INTS8: variants seen among roughly 807,000 people sequenced by gnomAD.
The protein encoded by INTS8 is protein kaonashi-1.
In INTS8, 47 loss-of-function variants were observed where a neutral mutation model predicts 138.9. The ratio of observed to expected loss-of-function variants is 0.34; its 90% CI spans 0.27 to 0.43. The LOEUF is 0.43. Ranked by LOEUF, INTS8 falls within the 20% of genes least tolerant of loss-of-function variation. The pLI is 1.00. For missense variants in INTS8, 996 were observed against 1,173.0 expected (o/e 0.85, Z 2.20); for synonymous variants, 392 against 400.9 (o/e 0.98, Z 0.27).
intron 8 of INTS8, among the ~76,000 whole-genome samples, chr8:94,839,952 C>T (rs1229578210): frequency 6.6e-6 from 1 of 152,148 alleles, no homozygotes; most frequent in East Asian, 1.9e-4. Context: ...AGACCTGTGC[C>T]AACAAGACCT....
At position 94,832,358 on chromosome 8, in the gene INTS8, A is replaced by G. The variant is rs577858605; in HGVS notation, c.753+184A>G. On this transcript the variant is annotated intron_variant, in intron 6 of 26. Transcript: ENST00000523731. The stretch of plus-strand genomic sequence containing the variant: ...TTTTTCTAAAAGAAATGGAAGAGAA[A>G]TTTTATGTCATCTGTTGTCTCTGAA... Among the ~76,000 whole-genome samples the G allele has an allele frequency of 2.0e-5, 3 of 152,354 alleles. No individual in the cohort carries two copies. In the South Asian group the frequency reaches 6.2e-4, roughly 32 times the overall value.
At position 94,823,477 on chromosome 8, in the gene INTS8, C is replaced by T; in HGVS notation, c.46C>T (p.Pro16Ser). ...CCGGGAGGCGGCCACCTCCAGCCGG[C>T]CCTGCACCCCGCCGCAGACCTGCTG... is the stretch of plus-strand genomic sequence containing the variant. ...ADREAATSSR[P>S]CTPPQTCWFE... is the part of the protein sequence containing the mutation. The change falls in exon 1 of 27, where the codon CCC becomes TCC. Residue 16 changes from proline (P) to serine (S), a missense_variant. Physicochemically the swap from Pro to Ser is moderately conservative, Grantham distance 74 (BLOSUM62 -1). Coordinates refer to ENST00000523731, the MANE Select transcript of INTS8 (RefSeq NM_017864.4). 3.9e-6 allele frequency: 6 copies of T among 1,550,708 alleles called. No homozygotes were observed. Among genetic ancestry groups the T allele is most frequent in the Non-Finnish European group, 5.2e-6 (6 of 1,147,590 alleles).
intron 2 of INTS8, among the ~76,000 whole-genome samples, chr8:94,827,036 C>T (rs1446793043): frequency 5.9e-5 from 9 of 152,072 alleles, no homozygotes; most frequent in East Asian, 1.9e-4. Context: ...ACCCGGGAGG[C>T]GGAGCTTGCA....
chr8:94,874,237 A>C (rs751185270), intron 22 of INTS8, among the ~76,000 whole-genome samples: 15 of 84,628 alleles, frequency 1.8e-4, no homozygotes, highest in South Asian at 1.4e-3. Context: ...CCTGGTGTCA[A>C]ATTTTGTCCG....
At chr8:94,825,224 C>G (rs965424136) in intron 2 of INTS8, among the ~76,000 whole-genome samples, 157 bp downstream of exon 2, 1 of 152,070 alleles carries the variant, frequency 6.6e-6, no homozygotes, top group Non-Finnish European at 1.5e-5. Flanking sequence ...CCAAGGCTGG[C>G]AGATTACTTG....
chr8:94,849,932 T>G lies in INTS8; in HGVS notation c.1348T>G (p.Leu450Val). 6.2e-7 allele frequency: 1 copy of G among 1,611,116 alleles called. No individual in the cohort carries two copies. Among genetic ancestry groups the G allele is most frequent in the Non-Finnish European group, 8.5e-7 (1 of 1,178,360 alleles). Residue 450 changes from leucine (L) to valine (V), a missense_variant, in exon 12 of 27, where the codon TTG (leucine) becomes GTG (valine). Leu to Val is a conservative substitution (Grantham distance 32). Transcript: ENST00000523731. ...CTGATCTAGGAATGTGTGTCTGGGG[T>G]TGGAAGATCTGCAGTATGTTTTCAT... Reference protein sequence around the residue: ...AAFLKNVCLGLEDLQYVFMIS... With the variant: ...AAFLKNVCLGVEDLQYVFMIS...
chr8:94,845,097 A>G (rs1447116857), intron 10 of INTS8, among the ~76,000 whole-genome samples: 1 of 151,930 alleles, frequency 6.6e-6, no homozygotes, highest in East Asian at 1.9e-4. Flanking sequence ...TTTAATATCA[A>G]ATTTACCGAT....
intron 14 of INTS8, among the ~76,000 whole-genome samples, chr8:94,854,696 G>A (rs1256706061): frequency 6.6e-6 from 1 of 152,108 alleles, no homozygotes; most frequent in East Asian, 1.9e-4. Context: ...GCTTAAATAA[G>A]TTAACTACAT....
Position 94,848,013 on chromosome 8 carries a change from C to CTTTTTTTTT in INTS8, c.1261-1444_1261-1436dup, listed in dbSNP as rs58388097. ...TGAACATAGCACTTTTAAAACACTG[C>CTTTTTTTTT]TTTTTTTTTTTTTGAGATGGAGTCT... On this transcript the variant is annotated intron_variant, in intron 10 of 26. Coordinates refer to ENST00000523731, the MANE Select transcript of INTS8 (RefSeq NM_017864.4). Among the ~76,000 whole-genome samples the CTTTTTTTTT allele has an allele frequency of 4.7e-3, 614 of 129,946 alleles. 22 individuals are homozygous for CTTTTTTTTT. Among genetic ancestry groups the CTTTTTTTTT allele is most frequent in the Non-Finnish European group, 7.5e-3 (450 of 60,402 alleles). 85.2% of individuals were successfully genotyped at this position (129,946 alleles called of 152,430 possible). A position where few individuals can be genotyped will look rare whatever the true frequency, so the allele number is the denominator to read the frequency against.
chr8:94,826,184 T>C (rs73269191), intron 2 of INTS8, among the ~76,000 whole-genome samples: 33,665 of 152,242 alleles, frequency 0.22, 3,843 homozygotes, highest in Middle Eastern at 0.28. Context: ...TGAATATTGC[T>C]GGATTGCATT....
At chr8:94,867,061 A>C (rs1329008251) in intron 18 of INTS8, 79 bp from the exon 19 acceptor site, 2 of 1,062,004 alleles carry the variant, frequency 1.9e-6, no homozygotes. Flanking sequence ...AGAATGCTTG[A>C]TGTCTGTGAG....
At chr8:94,830,919 TC>T (rs1814690298) in intron 5 of INTS8, among the ~76,000 whole-genome samples, 2 of 152,062 alleles carry the variant, frequency 1.3e-5, no homozygotes, top group Admixed American at 1.3e-4. Flanking sequence ...TGCCTCAGTC[TC>T]CCAGGTAGCT....
chr8:94,830,489 G>A (rs968984024), intron 5 of INTS8, among the ~76,000 whole-genome samples: 7 of 152,122 alleles, frequency 4.6e-5, no homozygotes, highest in African/African-American at 1.7e-4. Context: ...AATAAATCAA[G>A]TGGAACAGTG....
intron 9 of INTS8, 66 bp from the exon 10 acceptor site, chr8:94,842,281 T>A: frequency 9.3e-7 from 1 of 1,069,998 alleles, no homozygotes; most frequent in South Asian, 1.8e-5. Context: ...TGAATATAGT[T>A]GTATAATATA....
Position 94,827,753 on chromosome 8 carries a change from C to G in INTS8, c.478C>G (p.Pro160Ala), listed in dbSNP as rs1445162906. 8 of 1,614,120 alleles carry G rather than the reference C, an allele frequency of 5.0e-6. No individual in the cohort carries two copies. Among genetic ancestry groups the G allele is most frequent in the Non-Finnish European group, 6.8e-6 (8 of 1,179,990 alleles). ...AIRTIVQSSFPVKQAKPGPPQ... is the reference protein window; with the variant it reads ...AIRTIVQSSFAVKQAKPGPPQ... The stretch of plus-strand genomic sequence containing the variant: ...TAGGACAATTGTTCAAAGTAGTTTT[C>G]CAGTCAAACAGGCAAAACCCGGACC... Residue 160 changes from proline (P) to alanine (A), a missense_variant, in exon 4 of 27, where the codon CCA becomes GCA. By Grantham distance (27) the Pro-to-Ala change is conservative. Coordinates refer to ENST00000523731, the MANE Select transcript of INTS8 (RefSeq NM_017864.4).
At chr8:94,862,302 C>T (rs1164209059) in intron 16 of INTS8, among the ~76,000 whole-genome samples, 2 of 152,158 alleles carry the variant, frequency 1.3e-5, no homozygotes, top group East Asian at 3.8e-4. Flanking sequence ...ATATTGGGCA[C>T]TTGTCTCATT....
rs1815470301 is a variant in INTS8 at position 94,849,947 on chromosome 8, T to C, written c.1363T>C (p.Tyr455His). The C allele has an allele frequency of 6.2e-7, 1 of 1,612,764 alleles. No homozygotes were observed. Among genetic ancestry groups the C allele is most frequent in the Non-Finnish European group, 8.5e-7 (1 of 1,179,234 alleles). Residue 455 changes from tyrosine (Y) to histidine (H), a missense_variant, in exon 12 of 27, where the codon TAT (tyrosine) becomes CAT (histidine). Coordinates refer to ENST00000523731, the MANE Select transcript of INTS8 (RefSeq NM_017864.4). ...GTGTCTGGGGTTGGAAGATCTGCAG[T>C]ATGTTTTCATGATTTCTTCACATGA... The part of the protein sequence containing the change: ...NVCLGLEDLQ[Y>H]VFMISSHELF...
chr8:94,876,176 G>A (rs746524895), intron 24 of INTS8, 29 bp downstream of exon 24: 3 of 1,600,844 alleles, frequency 1.9e-6, no homozygotes, highest in Non-Finnish European at 2.6e-6. Context: ...AAATAATGAG[G>A]TCAACATTTT....
chr8:94,858,578 G>A (rs1815837983), intron 15 of INTS8, among the ~76,000 whole-genome samples: 1 of 152,202 alleles, frequency 6.6e-6, no homozygotes, highest in South Asian at 2.1e-4. Flanking sequence ...TACGTGTCAG[G>A]CATTGTTCTA....
Sources: gnomAD v4.1 joint callset for allele counts (sites outside exome capture counted in the v4.1 genomes callset) on GRCh38, gnomAD v4.1.1 for gene constraint, MANE v1.5 for transcripts, NCBI Gene and HGNC (gene_info 2026-07-23, HGNC 2026-07-21) for gene names.